ADARB2: variants seen among roughly 807,000 people sequenced by gnomAD.
ADARB2 encodes the protein inactive double-stranded RNA-specific editase B2.
In ADARB2, 25 loss-of-function variants were observed where a neutral mutation model predicts 62.2. That is an observed-to-expected ratio of 0.40 (90% confidence interval 0.29 to 0.56). The LOEUF (loss-of-function observed/expected upper bound fraction) is 0.56, where lower values mean the gene tolerates loss of function less well. Ranked by LOEUF, ADARB2 falls within the 20% of genes least tolerant of loss-of-function variation. The pLI, the probability that ADARB2 is intolerant of heterozygous loss-of-function variation, is 0.43. For missense variants in ADARB2, 1,071 were observed against 1,077.4 expected, an observed-to-expected ratio of 0.99 and a Z score of 0.08; for synonymous variants, 572 against 500.8, an observed-to-expected ratio of 1.14 and a Z score of -1.90.
intron 1 of ADARB2, among the ~76,000 whole-genome samples, chr10:1,728,564 G>A (rs1340639681): frequency 2.0e-5 from 3 of 152,006 alleles, no homozygotes; most frequent in South Asian, 4.2e-4. Context: ...ACATGTTAAC[G>A]GCATGCCTTC....
chr10:1,594,507 G>C (rs1303800504), intron 1 of ADARB2, among the ~76,000 whole-genome samples: 2 of 152,084 alleles, frequency 1.3e-5, no homozygotes, highest in South Asian at 4.2e-4. Flanking sequence ...TTTGGCGTGG[G>C]TGTTTGCCGT....
At chr10:1,582,771 A>G (rs1050206715) in intron 1 of ADARB2, among the ~76,000 whole-genome samples, 10 of 152,296 alleles carry the variant, frequency 6.6e-5, no homozygotes, top group African/African-American at 1.9e-4. Context: ...TCCATGTCAC[A>G]GGGAAGCATG....
chr10:1,338,851 C>A (rs1831997307), intron 3 of ADARB2, among the ~76,000 whole-genome samples: 1 of 152,120 alleles, frequency 6.6e-6, no homozygotes, highest in African/African-American at 2.4e-5. Context: ...TGCTTCCTTG[C>A]ATGGGCTGGA....
At chr10:1,352,224 A>C (rs1415762484) in intron 3 of ADARB2, among the ~76,000 whole-genome samples, 1 of 152,006 alleles carries the variant, frequency 6.6e-6, no homozygotes, top group African/African-American at 2.4e-5. Context: ...CTGATCTCTC[A>C]AACCCAAGCA....
intron 1 of ADARB2, among the ~76,000 whole-genome samples, chr10:1,383,871 G>A (rs1478658936): frequency 1.3e-5 from 2 of 152,152 alleles, no homozygotes; most frequent in African/African-American, 2.4e-5. Flanking sequence ...TTTTCTGCCC[G>A]AGTAAAGTTT....
intron 3 of ADARB2, among the ~76,000 whole-genome samples, chr10:1,341,186 AG>A (rs1832023196): frequency 6.6e-6 from 1 of 152,036 alleles, no homozygotes; most frequent in African/African-American, 2.4e-5. Context: ...TGTGCCCCAC[AG>A]CGGCAATAAC....
At chr10:1,499,743 C>T (rs147549517) in intron 1 of ADARB2, among the ~76,000 whole-genome samples, 9 of 152,266 alleles carry the variant, frequency 5.9e-5, no homozygotes, top group Non-Finnish European at 1.2e-4. Flanking sequence ...TCACTGCTCA[C>T]TCATCACTCA....
intron 1 of ADARB2, among the ~76,000 whole-genome samples, chr10:1,592,040 C>T (rs1833263755): frequency 1.3e-5 from 2 of 152,194 alleles, no homozygotes; most frequent in Admixed American, 6.5e-5. Flanking sequence ...CTTTTTACAA[C>T]CCTGGTTTTC....
rs577065246 is a variant in ADARB2, at chr10:1,626,300, C to T, written c.100+110751G>A. On this transcript the variant is annotated intron_variant, in intron 1 of 9. Coordinates refer to ENST00000381312, the MANE Select transcript of ADARB2 (RefSeq NM_018702.4). ...ATGGACACAGGCCTCCACTGGACCT[C>T]GGACGCTAACCCCACGTCTGCCCAT... 1.2e-3 allele frequency among the ~76,000 whole-genome samples: 178 copies of T among 146,654 alleles called. 7 individuals carry two copies. Among genetic ancestry groups the T allele is most frequent in the Middle Eastern group, 3.8e-3 (1 of 262 alleles).
intron 1 of ADARB2, among the ~76,000 whole-genome samples, chr10:1,565,145 G>T (rs1393351078): frequency 6.6e-6 from 1 of 152,168 alleles, no homozygotes; most frequent in Non-Finnish European, 1.5e-5. Flanking sequence ...AACATTTTAG[G>T]TTCTGGACCT....
chr10:1,314,598 C>G (rs1831720914), intron 3 of ADARB2, among the ~76,000 whole-genome samples: 1 of 152,220 alleles, frequency 6.6e-6, no homozygotes, highest in Non-Finnish European at 1.5e-5. Flanking sequence ...ACCCACGTGA[C>G]AGACCTGAGC....
At chr10:1,652,998 C>T (rs1240382383) in intron 1 of ADARB2, among the ~76,000 whole-genome samples, 1 of 152,202 alleles carries the variant, frequency 6.6e-6, no homozygotes, top group African/African-American at 2.4e-5. Flanking sequence ...TGGAGGCCTC[C>T]TCCCCCCTGG....
chr10:1,553,394 T>G (rs1401623880), intron 1 of ADARB2, among the ~76,000 whole-genome samples: 3 of 152,184 alleles, frequency 2.0e-5, no homozygotes, highest in African/African-American at 7.2e-5. Context: ...CAGCGGATTC[T>G]GACGGCGTCA....
At chr10:1,207,725 T>A (rs373325823) in intron 7 of ADARB2, among the ~76,000 whole-genome samples, 1 of 152,232 alleles carries the variant, frequency 6.6e-6, no homozygotes, top group African/African-American at 2.4e-5. Context: ...AAAGTTTTAA[T>A]CTGTTCATTT....
chr10:1,241,294 G>C (rs1206326843), intron 5 of ADARB2, among the ~76,000 whole-genome samples: 5 of 152,206 alleles, frequency 3.3e-5, no homozygotes, highest in Non-Finnish European at 7.3e-5. Context: ...TTAAGGTGTT[G>C]TTTTCAGCAG....
chr10:1,598,962 C>T (rs1385405073), intron 1 of ADARB2, among the ~76,000 whole-genome samples: 4 of 152,228 alleles, frequency 2.6e-5, no homozygotes, highest in African/African-American at 9.6e-5. Flanking sequence ...TGTGGCTGGA[C>T]AGAGGCGCAG....
At chr10:1,348,842 A>T (rs974788933) in intron 3 of ADARB2, among the ~76,000 whole-genome samples, 1 of 152,188 alleles carries the variant, frequency 6.6e-6, no homozygotes, top group Non-Finnish European at 1.5e-5. Context: ...CCCAGCACCC[A>T]TCCACCTCAG....
Position 1,242,199 on chromosome 10 carries a change from G to T in ADARB2, c.1293C>A (p.Cys431Ter). 6.2e-7 allele frequency: 1 copy of T among 1,610,064 alleles called. No individual in the cohort carries two copies. Among genetic ancestry groups the T allele is most frequent in the Non-Finnish European group, 8.5e-7 (1 of 1,179,180 alleles). Residue 431 changes from cysteine to a stop codon, truncating the protein, a stop_gained, in exon 5 of 10, where the codon TGC becomes TGA. Coordinates refer to ENST00000381312, the MANE Select transcript of ADARB2 (RefSeq NM_018702.4). LOFTEE classifies it high-confidence loss of function. ...LSDQGLVVNDCHAEVVARRAF... is the reference protein window; with the variant it reads ...LSDQGLVVND ...CCCGCCGGGCCACGACCTCCGCGTG[G>T]CAGTCATTCACCACCAGCCCCTGGT...
intron 1 of ADARB2, chr10:1,678,271 A>AC: frequency 1.0e-5 from 10 of 982,728 alleles, no homozygotes; most frequent in Non-Finnish European, 1.1e-5. Flanking sequence ...AGGGTGAGGG[A>AC]CCTCGGGGTG....
Sources: allele counts gnomAD v4.1 joint callset (sites outside exome capture counted in the v4.1 genomes callset), GRCh38; gene constraint gnomAD v4.1.1; transcripts MANE v1.5; gene names NCBI Gene and HGNC (gene_info 2026-07-23, HGNC 2026-07-21).